PLAGL1: variants seen among roughly 807,000 people sequenced by gnomAD.
The protein encoded by PLAGL1 is PLAG1 like zinc finger 1, also known as zinc finger protein PLAGL1.
PLAGL1 carries 1 observed loss-of-function variant against 4.6 expected under a neutral mutation model. That is an observed-to-expected ratio of 0.22 (90% CI 0.08 to 1.03). The LOEUF (loss-of-function observed/expected upper bound fraction) is 1.03, where lower values mean the gene tolerates loss of function less well. Ranked by LOEUF, PLAGL1 falls within the 50% of genes least tolerant of loss-of-function variation. The pLI, the probability that PLAGL1 is intolerant of heterozygous loss-of-function variation, is 0.58. For missense variants in PLAGL1, 464 were observed against 570.4 expected, an observed-to-expected ratio of 0.81 and a Z score of 1.90; for synonymous variants, 240 against 237.8, an observed-to-expected ratio of 1.01 and a Z score of -0.08.
At chr6:144,062,106 G>A (rs923099560) in intron 1 of PLAGL1, among the ~76,000 whole-genome samples, 1 of 152,096 alleles carries the variant, frequency 6.6e-6, no homozygotes, top group African/African-American at 2.4e-5. Context: ...GGCCGGGCAC[G>A]GTGGCTCATG....
intron 1 of PLAGL1, among the ~76,000 whole-genome samples, chr6:143,992,472 T>C (rs995505348): frequency 3.9e-5 from 6 of 152,170 alleles, no homozygotes; most frequent in Non-Finnish European, 7.4e-5. Flanking sequence ...CCTGACTACA[T>C]AGAAATTGGT....
intron 1 of PLAGL1, among the ~76,000 whole-genome samples, chr6:144,019,790 T>TAA (rs112007022): frequency 0.091 from 13,135 of 144,166 alleles, 822 homozygotes; most frequent in Admixed American, 0.22. Context: ...AAAAGTTACT[T>TAA]AAAAAAAAAA....
In PLAGL1 at chr6:143,964,211, C is replaced by T. The variant is rs181485337; in HGVS notation, c.-399+576G>A. Among the ~76,000 whole-genome samples the T allele has an allele frequency of 6.6e-5, 10 of 152,188 alleles. No homozygotes were observed. Among genetic ancestry groups the T allele is most frequent in the Admixed American group, 5.9e-4 (9 of 15,300 alleles). ...AGACAGCTACGTGAAGAGTGTGCCTCGGGAGGCCAGACCTGAGGCAGGAGG... is the reference window on the plus strand; with the variant it reads ...AGACAGCTACGTGAAGAGTGTGCCTTGGGAGGCCAGACCTGAGGCAGGAGG... On this transcript the variant is annotated intron_variant, in intron 5 of 7. Coordinates refer to ENST00000674357, the MANE Select transcript of PLAGL1 (RefSeq NM_001317162.2). This position sits in a 1 kb window ranked among gnomAD's most constrained non-coding sequence, Gnocchi z 4.3.
chr6:144,002,102 G>T (rs1257144544), intron 1 of PLAGL1, among the ~76,000 whole-genome samples: 1 of 152,110 alleles, frequency 6.6e-6, no homozygotes, highest in African/African-American at 2.4e-5. Flanking sequence ...CTTTACAAGG[G>T]TTATGTAAGA....
chr6:144,055,324 A>T lies in PLAGL1; in HGVS notation c.-151+9144T>A, dbSNP rs1445694029. ...ACTCAAAGGTCACAAAGCCAAGAAC[A>T]GAAGCAGCACCAGAACCACAACCCA... On this transcript the variant is annotated intron_variant, in intron 1 of 3. Transcript: ENST00000437412. This position sits in a 1 kb window ranked among gnomAD's most constrained non-coding sequence, Gnocchi z 5.0. Among the ~76,000 whole-genome samples, 1 of 152,228 alleles carries T rather than the reference A, an allele frequency of 6.6e-6. No individual in the cohort carries two copies. Among genetic ancestry groups the T allele is most frequent in the Non-Finnish European group, 1.5e-5 (1 of 68,038 alleles).
intron 2 of PLAGL1, among the ~76,000 whole-genome samples, chr6:143,977,470 C>CTTTTTTTTTTT (rs34750629): frequency 4.9e-4 from 34 of 69,332 alleles, no homozygotes; most frequent in Admixed American, 6.2e-4. Context: ...TCTTCTTCTT[C>CTTTTTTTTTTT]TTTTTTTTTT....
rs1422194425 is a variant in PLAGL1, at chr6:144,050,479, A to G, written c.-151+13989T>C. On this transcript the variant is annotated intron_variant, in intron 1 of 3. Transcript: ENST00000437412. This position sits in a 1 kb window ranked among gnomAD's most constrained non-coding sequence, Gnocchi z 4.3. ...TGTCTGAGGAGAGAAAGATTCTTCTACACTCTTTTAAGGCTGTCTCTTCTC... is the reference window on the plus strand; with the variant it reads ...TGTCTGAGGAGAGAAAGATTCTTCTGCACTCTTTTAAGGCTGTCTCTTCTC... Among the ~76,000 whole-genome samples the G allele has an allele frequency of 9.2e-5, 14 of 152,142 alleles. No individual in the cohort carries two copies. The highest frequency in any genetic ancestry group is 9.2e-4 in the Admixed American group (14 of 15,262).
intron 6 of PLAGL1, among the ~76,000 whole-genome samples, chr6:143,951,836 A>G (rs969823424): frequency 6.6e-6 from 1 of 152,208 alleles, no homozygotes; most frequent in Non-Finnish European, 1.5e-5. Context: ...TGTGTGTTTA[A>G]TATACCTAGC....
intron 1 of PLAGL1, among the ~76,000 whole-genome samples, chr6:144,042,350 A>G (rs1411154978): frequency 1.3e-5 from 2 of 152,322 alleles, no homozygotes; most frequent in East Asian, 3.9e-4. Context: ...TAATTTTTGC[A>G]TAAGGTGAAA....
intron 1 of PLAGL1, among the ~76,000 whole-genome samples, chr6:144,014,160 G>T (rs1354219295): frequency 6.6e-6 from 1 of 152,164 alleles, no homozygotes; most frequent in Non-Finnish European, 1.5e-5. Context: ...GGCTGGGCAT[G>T]GTGGCTCACA....
chr6:144,045,248 C>A (rs1046967878), intron 1 of PLAGL1, among the ~76,000 whole-genome samples: 5 of 151,792 alleles, frequency 3.3e-5, no homozygotes, highest in Non-Finnish European at 7.4e-5. Flanking sequence ...GGTTGTTTTG[C>A]CTGTTAATTG....
rs765920400 is a variant in PLAGL1 at position 144,053,429 on chromosome 6, C to T, written c.-151+11039G>A. Among the ~76,000 whole-genome samples the T allele has an allele frequency of 3.9e-5, 6 of 152,200 alleles. No homozygotes were observed. The highest frequency in any genetic ancestry group is 7.2e-5 in the African/African-American group (3 of 41,450). On this transcript the variant is annotated intron_variant, in intron 1 of 3. Transcript: ENST00000437412. This position sits in a 1 kb window ranked among gnomAD's most constrained non-coding sequence, Gnocchi z 4.0. ...TGTTACAGGCGTGAGCCACCACACC[C>T]GGCCTAATTAGTCATTAATTCTTGA...
In PLAGL1 at chr6:143,945,722, A is replaced by C. The variant is rs1779614704; in HGVS notation, c.152+2263T>G. 6.6e-6 allele frequency among the ~76,000 whole-genome samples: 1 copy of C among 151,958 alleles called. No individual in the cohort carries two copies. Among genetic ancestry groups the C allele is most frequent in the South Asian group, 2.1e-4 (1 of 4,814 alleles). On this transcript the variant is annotated intron_variant, in intron 7 of 7. Coordinates refer to ENST00000674357, the MANE Select transcript of PLAGL1 (RefSeq NM_001317162.2). This position sits in a 1 kb window ranked among gnomAD's most constrained non-coding sequence, Gnocchi z 4.2. ...GATCTGTTGACCTCATGATCCACCCACCTCGGCCTCCCAAAGTGCTGGGAT... is the reference window on the plus strand; with the variant it reads ...GATCTGTTGACCTCATGATCCACCCCCCTCGGCCTCCCAAAGTGCTGGGAT...
rs1379105035 is a variant in PLAGL1, at chr6:143,960,189, T to C, written c.-325+280A>G. Among the ~76,000 whole-genome samples the C allele has an allele frequency of 1.3e-5, 2 of 152,130 alleles. No individual in the cohort carries two copies. The highest frequency in any genetic ancestry group is 2.9e-5 in the Non-Finnish European group (2 of 68,004). ...CAGCAGAAAATTCCATAGATCTATGTGTATTACTAGGCTGTGGATGTGGGA... is the reference window on the plus strand; with the variant it reads ...CAGCAGAAAATTCCATAGATCTATGCGTATTACTAGGCTGTGGATGTGGGA... On this transcript the variant is annotated intron_variant, in intron 6 of 7. Transcript: ENST00000674357. The surrounding 1 kb of genome is among the most constrained non-coding windows in gnomAD (Gnocchi z 5.7).
chr6:144,034,594 G>A lies in PLAGL1; in HGVS notation c.-151+29874C>T, dbSNP rs1252886760. Among the ~76,000 whole-genome samples the A allele has an allele frequency of 6.6e-6, 1 of 152,158 alleles. No homozygotes were observed. Among genetic ancestry groups the A allele is most frequent in the African/African-American group, 2.4e-5 (1 of 41,426 alleles). ...AGTCCTCCAGCAAAGAAAAGTGGGA[G>A]GCCCCGACAAATTGTCATTATGCAA... is the stretch of plus-strand genomic sequence containing the variant. On this transcript the variant is annotated intron_variant, in intron 1 of 3. Coordinates refer to the PLAGL1 transcript ENST00000437412. This position sits in a 1 kb window ranked among gnomAD's most constrained non-coding sequence, Gnocchi z 4.7.
chr6:143,993,674 G>A (rs1791031743), intron 1 of PLAGL1, among the ~76,000 whole-genome samples: 1 of 152,148 alleles, frequency 6.6e-6, no homozygotes, highest in South Asian at 2.1e-4. Flanking sequence ...TGAGAGAATA[G>A]ATCAGATTAA....
rs141400802 is a variant in PLAGL1 at position 144,038,070 on chromosome 6, G to C, written c.-151+26398C>G. Among the ~76,000 whole-genome samples, 97 of 152,316 alleles carry C rather than the reference G, an allele frequency of 6.4e-4. 1 individual carries two copies. The East Asian group carries it at 0.017, about 27-fold the overall frequency. On this transcript the variant is annotated intron_variant, in intron 1 of 3. Coordinates refer to the PLAGL1 transcript ENST00000437412. ...AGTTGTCTAACAGATAGTAGTTGGAGTCTCAGATGGAGGATAGTAATAGCA... is the reference window on the plus strand; with the variant it reads ...AGTTGTCTAACAGATAGTAGTTGGACTCTCAGATGGAGGATAGTAATAGCA...
Position 144,056,279 on chromosome 6 carries a change from C to A in PLAGL1, c.-151+8189G>T, listed in dbSNP as rs1798959460. Among the ~76,000 whole-genome samples the A allele has an allele frequency of 6.6e-6, 1 of 152,204 alleles. No individual in the cohort carries two copies. The highest frequency in any genetic ancestry group is 2.4e-5 in the African/African-American group (1 of 41,470). ...CACGCACAGCCTCCCCTATTACCGG[C>A]ATCCCCACCAGGATGGCGCATTTGT... is the stretch of plus-strand genomic sequence containing the variant. On this transcript the variant is annotated intron_variant, in intron 1 of 3. Coordinates refer to the PLAGL1 transcript ENST00000437412. The surrounding 1 kb of genome is among the most constrained non-coding windows in gnomAD (Gnocchi z 4.7).
chr6:144,054,440 C>T (rs1327500719), intron 1 of PLAGL1, among the ~76,000 whole-genome samples: 1 of 152,128 alleles, frequency 6.6e-6, no homozygotes, highest in Non-Finnish European at 1.5e-5. Context: ...GATATCATGT[C>T]CCTTGCAGGG....
Sources: allele counts gnomAD v4.1 joint callset (sites outside exome capture counted in the v4.1 genomes callset), GRCh38; gene constraint gnomAD v4.1.1; non-coding constraint Gnocchi (gnomAD v3.1); transcripts MANE v1.5; gene names NCBI Gene and HGNC (gene_info 2026-07-23, HGNC 2026-07-21).